Variants in INPP5A observed in about 807,000 individuals in gnomAD.
INPP5A encodes 43 kDa inositol polyphosphate 5-phophatase.
In INPP5A, 14 loss-of-function variants were observed where a neutral mutation model predicts 65.2. The observed-to-expected ratio is 0.21, with a 90% CI of 0.14 to 0.34. The LOEUF (loss-of-function observed/expected upper bound fraction) is 0.34. Among genes scored for constraint, INPP5A ranks in the 10% least tolerant of loss-of-function variants. The pLI, the probability that INPP5A is intolerant of heterozygous loss-of-function variation, is 1.00. For synonymous variants in INPP5A, 207 were observed against 208.3 expected (o/e 0.99, Z 0.05); for missense variants, 431 against 545.6 (o/e 0.79, Z 2.09).
chr10:132,768,450 G>T (rs1846891931), intron 12 of INPP5A, among the ~76,000 whole-genome samples: 2 of 152,270 alleles, frequency 1.3e-5, no homozygotes, highest in Non-Finnish European at 2.9e-5. Context: ...CACAGGCCTG[G>T]CTTCCTCTTC....
chr10:132,694,494 C>T (rs1489063327), intron 5 of INPP5A, among the ~76,000 whole-genome samples: 5 of 151,632 alleles, frequency 3.3e-5, no homozygotes, highest in African/African-American at 1.2e-4. Context: ...CCTTAGGAAG[C>T]TAGGAGAAGA....
chr10:132,667,275 A>G (rs1590909250), intron 4 of INPP5A, among the ~76,000 whole-genome samples: 1 of 152,342 alleles, frequency 6.6e-6, no homozygotes, highest in Admixed American at 6.5e-5. Flanking sequence ...TCTTCCAACC[A>G]TCATAATTAT....
chr10:132,699,664 G>A (rs796668677), intron 6 of INPP5A, among the ~76,000 whole-genome samples: 9 of 152,232 alleles, frequency 5.9e-5, no homozygotes, highest in African/African-American at 1.7e-4. Context: ...GCCAGGGCCC[G>A]CAGGGTCAGC....
At chr10:132,652,800 C>G (rs146810151) in intron 4 of INPP5A, among the ~76,000 whole-genome samples, 1 of 152,220 alleles carries the variant, frequency 6.6e-6, no homozygotes, top group Non-Finnish European at 1.5e-5. Context: ...GCCCTCAGAA[C>G]GAGCGTGTTG....
chr10:132,682,296 T>C (rs566117518), intron 4 of INPP5A, among the ~76,000 whole-genome samples: 1 of 150,004 alleles, frequency 6.7e-6, no homozygotes. Flanking sequence ...AGGTGGACAG[T>C]GTCCTGGAGA....
At chr10:132,640,926 C>T (rs142805488) in intron 2 of INPP5A, among the ~76,000 whole-genome samples, 123 of 152,276 alleles carry the variant, frequency 8.1e-4, no homozygotes, top group African/African-American at 2.7e-3. Context: ...AATCGGCCTC[C>T]GTCGAGATCC....
intron 8 of INPP5A, among the ~76,000 whole-genome samples, chr10:132,717,942 G>A (rs1425458104): frequency 1.5e-5 from 2 of 137,428 alleles, no homozygotes; most frequent in Non-Finnish European, 3.1e-5. Flanking sequence ...TTAGACGGCT[G>A]TCTTGCGGGT....
At chr10:132,723,582 TGGCCGTGTGGG>T (rs1845929764) in intron 8 of INPP5A, among the ~76,000 whole-genome samples, 1 of 92,550 alleles carries the variant, frequency 1.1e-5, no homozygotes, top group Non-Finnish European at 2.4e-5. Context: ...ATGTGGGGAT[TGGCCGTGTGGG>T]GATTGGTTTT....
At chr10:132,655,493 G>T (rs566790442) in intron 4 of INPP5A, among the ~76,000 whole-genome samples, 3 of 152,244 alleles carry the variant, frequency 2.0e-5, no homozygotes, top group Non-Finnish European at 4.4e-5. Flanking sequence ...TGCCGGGCAC[G>T]CAGGGAGCTC....
chr10:132,639,496 G>T (rs1164175662), intron 2 of INPP5A, among the ~76,000 whole-genome samples: 1 of 152,022 alleles, frequency 6.6e-6, no homozygotes, highest in Non-Finnish European at 1.5e-5. Context: ...TCCTCAATTT[G>T]ATTATGATAA....
At chr10:132,548,792 CT>C (rs71013535) in intron 1 of INPP5A, among the ~76,000 whole-genome samples, 10,597 of 79,640 alleles carry the variant, frequency 0.13, 199 homozygotes, top group Admixed American at 0.19. Context: ...GTTTATCTGG[CT>C]TTTTTTTTTT....
At chr10:132,633,179 A>G (rs957605208) in intron 2 of INPP5A, among the ~76,000 whole-genome samples, 1 of 152,140 alleles carries the variant, frequency 6.6e-6, no homozygotes, top group African/African-American at 2.4e-5. Flanking sequence ...CATCAGCTTC[A>G]GTAGTGAGCT....
chr10:132,652,787 G>A (rs1451714133), intron 4 of INPP5A, among the ~76,000 whole-genome samples: 19 of 152,254 alleles, frequency 1.2e-4, no homozygotes, highest in Admixed American at 1.2e-3. Flanking sequence ...TGCATGTCAG[G>A]GTGCCCTCAG....
At chr10:132,712,578 G>T (rs1228674357) in intron 8 of INPP5A, among the ~76,000 whole-genome samples, 1 of 151,830 alleles carries the variant, frequency 6.6e-6, no homozygotes, top group Non-Finnish European at 1.5e-5. Context: ...GTGGCTGCAT[G>T]TGAGTGCGGG....
chr10:132,624,356 G>A (rs951697963), intron 2 of INPP5A, among the ~76,000 whole-genome samples: 3 of 152,266 alleles, frequency 2.0e-5, no homozygotes, highest in African/African-American at 7.2e-5. Flanking sequence ...TGAGCTCGCT[G>A]TTTTGGCTGT....
intron 4 of INPP5A, among the ~76,000 whole-genome samples, chr10:132,660,062 C>T (rs955853452): frequency 2.0e-5 from 3 of 152,256 alleles, no homozygotes; most frequent in Non-Finnish European, 4.4e-5. Context: ...GCCCACGGCA[C>T]GTTCTGACGT....
intron 8 of INPP5A, among the ~76,000 whole-genome samples, chr10:132,720,925 G>A (rs1400543754): frequency 6.6e-6 from 1 of 150,934 alleles, no homozygotes; most frequent in East Asian, 2.0e-4. Flanking sequence ...TGCGGGTTCT[G>A]TGGTGCCTGG....
At chr10:132,656,166 A>C (rs1470837080) in intron 4 of INPP5A, among the ~76,000 whole-genome samples, 2 of 152,256 alleles carry the variant, frequency 1.3e-5, no homozygotes, top group African/African-American at 2.4e-5. Context: ...CAGTGGGGAC[A>C]GGGTGCAAGA....
intron 1 of INPP5A, among the ~76,000 whole-genome samples, chr10:132,573,037 G>T (rs1421330631): frequency 1.3e-5 from 2 of 151,308 alleles, no homozygotes; most frequent in Non-Finnish European, 2.9e-5. Flanking sequence ...CGATGTTGGG[G>T]TGTACGTGCC....
Sources: gnomAD v4.1 joint callset for allele counts (sites outside exome capture counted in the v4.1 genomes callset) on GRCh38, gnomAD v4.1.1 for gene constraint, MANE v1.5 for transcripts, NCBI Gene and HGNC (gene_info 2026-07-23, HGNC 2026-07-21) for gene names.